The following DENND1A variants were observed in gnomAD, a reference collection of about 807,000 sequenced individuals.
DENND1A encodes DENN domain containing 1A.
DENND1A carries 51 observed loss-of-function variants against 113.7 expected under a neutral mutation model. The ratio of observed to expected loss-of-function variants is 0.45; its 90% CI spans 0.36 to 0.57. The LOEUF (loss-of-function observed/expected upper bound fraction) is 0.57, where lower values mean the gene tolerates loss of function less well. Ranked by LOEUF, DENND1A falls within the 20% of genes least tolerant of loss-of-function variation. The pLI, the probability that DENND1A is intolerant of heterozygous loss-of-function variation, is 0.00. For missense variants in DENND1A, 1,258 were observed against 1,395.9 expected, an observed-to-expected ratio of 0.90 and a Z score of 1.57; for synonymous variants, 565 against 570.8, an observed-to-expected ratio of 0.99 and a Z score of 0.14.
At chr9:123,410,884 G>A (rs1554804008) in intron 20 of DENND1A, among the ~76,000 whole-genome samples, 3 of 151,856 alleles carry the variant, frequency 2.0e-5, no homozygotes, top group Non-Finnish European at 4.4e-5. Flanking sequence ...GTCCTGGATG[G>A]TTTCCCACTT....
At chr9:123,387,973 G>T in intron 21 of DENND1A, 115 bp from the exon 22 acceptor site, 1 of 1,107,362 alleles carries the variant, frequency 9.0e-7, no homozygotes, top group Non-Finnish European at 1.2e-6. Context: ...GCCTCTGTGT[G>T]CCAGCCTGGG....
chr9:123,391,761 G>GAAAAAAAAAAAAA lies in DENND1A; in HGVS notation c.1632-3916_1632-3904dup, dbSNP rs5900572. Among the ~76,000 whole-genome samples the GAAAAAAAAAAAAA allele has an allele frequency of 6.3e-5, 7 of 110,398 alleles. 2 individuals are homozygous for GAAAAAAAAAAAAA. Among genetic ancestry groups the GAAAAAAAAAAAAA allele is most frequent in the Admixed American group, 9.5e-5 (1 of 10,548 alleles). 72.4% of individuals were successfully genotyped at this position (110,398 alleles called of 152,430 possible). On this transcript the variant is annotated intron_variant, in intron 21 of 23. Transcript: ENST00000394215. ...TTTTTATTAGCTTAAGGCAGAATAT[G>GAAAAAAAAAAAAA]AAAAAAAAAAAAAAAAAAAGCACCT... is the stretch of plus-strand genomic sequence containing the variant.
intron 12 of DENND1A, among the ~76,000 whole-genome samples, chr9:123,581,898 G>A (rs749145352): frequency 6.6e-6 from 1 of 152,170 alleles, no homozygotes; most frequent in Non-Finnish European, 1.5e-5. Flanking sequence ...CACACTTGCC[G>A]GTGAGGCCCA....
chr9:123,793,856 G>A (rs1778895), intron 2 of DENND1A, among the ~76,000 whole-genome samples: 17,518 of 152,160 alleles, frequency 0.12, 1,266 homozygotes, highest in African/African-American at 0.2. Context: ...TATGCCAAAA[G>A]TAGAGCCTCT....
intron 2 of DENND1A, among the ~76,000 whole-genome samples, chr9:123,854,235 C>A (rs893100449): frequency 2.0e-5 from 3 of 152,188 alleles, no homozygotes; most frequent in African/African-American, 7.2e-5. Flanking sequence ...AACATTCATC[C>A]TAGCCCTCAG....
intron 13 of DENND1A, among the ~76,000 whole-genome samples, chr9:123,540,568 T>G (rs563313969): frequency 3.3e-5 from 5 of 152,294 alleles, no homozygotes; most frequent in Admixed American, 2.0e-4. Flanking sequence ...AAAGAAGTGA[T>G]GAGTTCCTTT....
intron 3 of DENND1A, among the ~76,000 whole-genome samples, chr9:123,785,769 T>C (rs1412857983): frequency 1.3e-5 from 2 of 152,200 alleles, no homozygotes; most frequent in African/African-American, 4.8e-5. Flanking sequence ...TTAGGCCGAA[T>C]AGTCTAAAGA....
intron 1 of DENND1A, among the ~76,000 whole-genome samples, chr9:123,915,025 GC>G (rs545686321): frequency 1.3e-5 from 2 of 152,064 alleles, no homozygotes; most frequent in Non-Finnish European, 2.9e-5. Flanking sequence ...CCAGGCCAAG[GC>G]CCCCACAAAG....
At chr9:123,525,179 C>A (rs992635942) in intron 13 of DENND1A, among the ~76,000 whole-genome samples, 1 of 152,340 alleles carries the variant, frequency 6.6e-6, no homozygotes, top group East Asian at 1.9e-4. Flanking sequence ...ACCAGGCAAG[C>A]TGTCCTTCTA....
chr9:123,555,678 G>GATTAAATGT (rs2057375905), intron 13 of DENND1A, among the ~76,000 whole-genome samples: 1 of 152,316 alleles, frequency 6.6e-6, no homozygotes, highest in South Asian at 2.1e-4. Flanking sequence ...GGATTAAATG[G>GATTAAATGT]CTTGCTCAAC....
intron 1 of DENND1A, among the ~76,000 whole-genome samples, chr9:123,925,921 T>G (rs1381500326): frequency 6.6e-6 from 1 of 152,224 alleles, no homozygotes; most frequent in Non-Finnish European, 1.5e-5. Flanking sequence ...GAAAACTTCC[T>G]TCGATTACTT....
At chr9:123,749,295 C>A (rs1353662183) in intron 5 of DENND1A, among the ~76,000 whole-genome samples, 1 of 152,212 alleles carries the variant, frequency 6.6e-6, no homozygotes, top group Non-Finnish European at 1.5e-5. Flanking sequence ...GTTCATTCTG[C>A]AAGGGCAAAC....
rs114109793 is a variant in DENND1A, at chr9:123,596,451, A to G, written c.765+12985T>C. ...ATGTATTATTTTAAAATATCCTCAA[A>G]GCAACCTCTTGAAATGAGCTTTATT... On this transcript the variant is annotated intron_variant, in intron 11 of 23. Transcript: ENST00000394215. 6.6e-3 allele frequency among the ~76,000 whole-genome samples: 1,000 copies of G among 152,354 alleles called. 14 individuals carry two copies. Among genetic ancestry groups the G allele is most frequent in the African/African-American group, 0.023 (962 of 41,580 alleles).
intron 2 of DENND1A, among the ~76,000 whole-genome samples, chr9:123,820,702 G>C (rs1270177988): frequency 6.6e-6 from 1 of 151,978 alleles, no homozygotes; most frequent in Admixed American, 6.6e-5. Flanking sequence ...TTTTTTTATT[G>C]TTATTTCCCA....
At chr9:123,509,112 G>A (rs1024846880) in intron 13 of DENND1A, among the ~76,000 whole-genome samples, 4 of 152,280 alleles carry the variant, frequency 2.6e-5, no homozygotes, top group African/African-American at 9.6e-5. Flanking sequence ...CTGTCTTAAA[G>A]GTGAGTAGGG....
chr9:123,813,695 C>T (rs1837007016), intron 2 of DENND1A, among the ~76,000 whole-genome samples: 1 of 152,120 alleles, frequency 6.6e-6, no homozygotes, highest in Non-Finnish European at 1.5e-5. Flanking sequence ...CAAACAGATA[C>T]TGGATTGTCT....
chr9:123,542,760 C>T (rs1390483189), intron 13 of DENND1A, among the ~76,000 whole-genome samples: 3 of 152,138 alleles, frequency 2.0e-5, no homozygotes, highest in Non-Finnish European at 2.9e-5. Flanking sequence ...ACTGCACAGA[C>T]CCGCAGGGAC....
At chr9:123,401,433 C>T in intron 21 of DENND1A, 2 of 1,051,306 alleles carry the variant, frequency 1.9e-6, no homozygotes, top group Non-Finnish European at 2.3e-6. Context: ...ACAACTTCCC[C>T]TTCCTCGTTA....
intron 2 of DENND1A, among the ~76,000 whole-genome samples, chr9:123,875,877 G>A (rs1588040666): frequency 6.6e-6 from 1 of 152,184 alleles, no homozygotes; most frequent in Admixed American, 6.5e-5. Context: ...GGACAAAGCA[G>A]ATCCTTCTAA....
Sources: allele counts gnomAD v4.1 joint callset (sites outside exome capture counted in the v4.1 genomes callset), GRCh38; gene constraint gnomAD v4.1.1; transcripts MANE v1.5; gene names NCBI Gene and HGNC (gene_info 2026-07-23, HGNC 2026-07-21).